Variants in RIT2 observed in about 807,000 individuals in gnomAD.
RIT2 encodes the protein GTP-binding protein Rit2.
A neutral mutation model predicts 23.7 loss-of-function variants in RIT2; 24 were observed. The ratio of observed to expected loss-of-function variants is 1.01; its 90% CI spans 0.73 to 1.43. The LOEUF is 1.43. Ranked by LOEUF, RIT2 falls within the 40% of genes most tolerant of loss-of-function variation. The pLI is 0.00. For missense variants in RIT2, 236 were observed against 266.9 expected, an observed-to-expected ratio of 0.88 and a Z score of 0.81; for synonymous variants, 107 against 91.1, an observed-to-expected ratio of 1.17 and a Z score of -0.99.
intron 3 of RIT2, among the ~76,000 whole-genome samples, chr18:42,932,410 G>A (rs1197351042): frequency 6.6e-6 from 1 of 152,028 alleles, no homozygotes; most frequent in South Asian, 2.1e-4. Context: ...GTCTCCAAAG[G>A]TCCAGTGGTT....
chr18:42,963,415 C>T (rs1910136541), intron 3 of RIT2, among the ~76,000 whole-genome samples: 1 of 152,182 alleles, frequency 6.6e-6, no homozygotes, highest in Non-Finnish European at 1.5e-5. Flanking sequence ...AAGAAAATAA[C>T]TGGAAAACTG....
intron 1 of RIT2, among the ~76,000 whole-genome samples, chr18:43,093,433 T>C (rs1031992518): frequency 2.0e-5 from 3 of 152,078 alleles, no homozygotes; most frequent in African/African-American, 7.2e-5. Flanking sequence ...TTCAGGGAAA[T>C]GTGTTTTTTA....
intron 4 of RIT2, among the ~76,000 whole-genome samples, chr18:42,871,341 A>G (rs1161119079): frequency 6.6e-6 from 1 of 152,198 alleles, no homozygotes; most frequent in African/African-American, 2.4e-5. Flanking sequence ...AGTCTTGTAA[A>G]ATCATTTATG....
At chr18:43,033,578 A>G (rs1911906263) in intron 2 of RIT2, among the ~76,000 whole-genome samples, 1 of 152,102 alleles carries the variant, frequency 6.6e-6, no homozygotes, top group African/African-American at 2.4e-5. Flanking sequence ...TCCAACCACC[A>G]TTTACCAGAA....
intron 4 of RIT2, among the ~76,000 whole-genome samples, chr18:42,844,184 G>A (rs949334188): frequency 5.3e-5 from 8 of 152,136 alleles, no homozygotes; most frequent in Non-Finnish European, 8.8e-5. Flanking sequence ...CCAGATGGGG[G>A]TGCCTGCAAC....
At chr18:43,077,785 G>A (rs916888196) in intron 1 of RIT2, among the ~76,000 whole-genome samples, 3 of 152,084 alleles carry the variant, frequency 2.0e-5, no homozygotes, top group African/African-American at 7.2e-5. Flanking sequence ...ATTTACCTGT[G>A]TATTCTTTAT....
intron 2 of RIT2, among the ~76,000 whole-genome samples, chr18:43,028,648 G>A (rs1345805636): frequency 1.3e-5 from 2 of 151,974 alleles, no homozygotes; most frequent in African/African-American, 4.8e-5. Context: ...ATTCTGACTA[G>A]TAGTAATATC....
At chr18:43,098,386 G>T (rs1054658451) in intron 1 of RIT2, among the ~76,000 whole-genome samples, 2 of 151,778 alleles carry the variant, frequency 1.3e-5, no homozygotes, top group African/African-American at 4.8e-5. Context: ...GCAGCCTTTG[G>T]TTCCCCTCCT....
chr18:42,775,089 G>A (rs1913636441), intron 4 of RIT2, among the ~76,000 whole-genome samples: 1 of 152,066 alleles, frequency 6.6e-6, no homozygotes, highest in Admixed American at 6.6e-5. Context: ...AGTCTTAGTG[G>A]CACAACATAA....
At chr18:42,954,943 A>G (rs1909938167) in intron 3 of RIT2, among the ~76,000 whole-genome samples, 1 of 152,200 alleles carries the variant, frequency 6.6e-6, no homozygotes, top group South Asian at 2.1e-4. Context: ...TGTTTGCTTA[A>G]CAATACTTGT....
chr18:42,840,560 T>C (rs553590758), intron 4 of RIT2, among the ~76,000 whole-genome samples: 5,959 of 122,620 alleles, frequency 0.049, 378 homozygotes, highest in African/African-American at 0.15. Flanking sequence ...TGGAGTGCAA[T>C]GCTCAGTCTC....
At chr18:42,751,584 G>T (rs986327264) in intron 4 of RIT2, among the ~76,000 whole-genome samples, 1 of 151,828 alleles carries the variant, frequency 6.6e-6, no homozygotes, top group South Asian at 2.1e-4. Flanking sequence ...TGATATAAGT[G>T]AATATTTTAT....
chr18:42,893,217 C>T (rs1425006488), intron 4 of RIT2, among the ~76,000 whole-genome samples: 1 of 84,142 alleles, frequency 1.2e-5, no homozygotes, highest in Admixed American at 1.5e-4. Context: ...CAGAGCGAGA[C>T]TCCGTCTCAA....
intron 4 of RIT2, among the ~76,000 whole-genome samples, chr18:42,823,944 G>A (rs1477318497): frequency 6.6e-6 from 1 of 151,988 alleles, no homozygotes; most frequent in African/African-American, 2.4e-5. Context: ...CTATTATCAG[G>A]AAACACTCTT....
chr18:43,102,445 CT>C (rs200839354), intron 1 of RIT2, among the ~76,000 whole-genome samples: 494 of 109,932 alleles, frequency 4.5e-3, no homozygotes, highest in Middle Eastern at 0.019. Context: ...TCAGGAAACC[CT>C]TTTTTTTTTT....
chr18:42,866,113 C>A (rs552251297), intron 4 of RIT2, among the ~76,000 whole-genome samples: 1 of 152,120 alleles, frequency 6.6e-6, no homozygotes, highest in Non-Finnish European at 1.5e-5. Context: ...ACAAAAGATG[C>A]CTTGGACCTG....
At chr18:42,811,202 C>A (rs767132655) in intron 4 of RIT2, among the ~76,000 whole-genome samples, 4 of 152,054 alleles carry the variant, frequency 2.6e-5, no homozygotes, top group African/African-American at 9.7e-5. Context: ...ATGATTACCA[C>A]AGACTTAAAA....
chr18:42,982,128 T>C (rs1910611840), intron 2 of RIT2, among the ~76,000 whole-genome samples: 1 of 152,156 alleles, frequency 6.6e-6, no homozygotes, highest in South Asian at 2.1e-4. Flanking sequence ...GTTTAACCTT[T>C]TTACATTGAG....
At chr18:43,053,988 C>T (rs1416583512) in intron 1 of RIT2, among the ~76,000 whole-genome samples, 1 of 152,034 alleles carries the variant, frequency 6.6e-6, no homozygotes, top group Non-Finnish European at 1.5e-5. Flanking sequence ...ATCATTACCT[C>T]CTTTACTCAT....
Sources: allele counts gnomAD v4.1 joint callset (sites outside exome capture counted in the v4.1 genomes callset), GRCh38; gene constraint gnomAD v4.1.1; transcripts MANE v1.5; gene names NCBI Gene and HGNC (gene_info 2026-07-23, HGNC 2026-07-21).